Variants in OSBPL8 observed in about 807,000 individuals in gnomAD.
OSBPL8 encodes oxysterol binding protein like 8.
In OSBPL8, 59 loss-of-function variants were observed where a neutral mutation model predicts 125.5. The ratio of observed to expected loss-of-function variants is 0.47; its 90% CI spans 0.38 to 0.58. OSBPL8 has a LOEUF of 0.58. OSBPL8 is among the 20% of genes least tolerant of loss of function. The probability of loss-of-function intolerance (pLI) is 0.00; values close to 1 mark genes in which losing one functional copy is unlikely to be tolerated. For synonymous variants in OSBPL8, 330 were observed against 338.9 expected (o/e 0.97, Z 0.29); for missense variants, 758 against 1,047.8 (o/e 0.72, Z 3.82).
intron 1 of OSBPL8, among the ~76,000 whole-genome samples, chr12:76,498,747 T>TTTTTTTA (rs1879552820): frequency 1.3e-5 from 2 of 149,074 alleles, no homozygotes; most frequent in African/African-American, 5.0e-5. Flanking sequence ...TTTTTTTTTT[T>TTTTTTTA]GAGACAGGGT....
intron 2 of OSBPL8, among the ~76,000 whole-genome samples, chr12:76,469,651 A>G (rs996839020): frequency 6.6e-6 from 1 of 152,166 alleles, no homozygotes; most frequent in Non-Finnish European, 1.5e-5. Context: ...CAATACTTCC[A>G]TAATATTCCC....
chr12:76,557,316 T>C (rs548765919), intron 1 of OSBPL8, among the ~76,000 whole-genome samples: 2 of 152,286 alleles, frequency 1.3e-5, no homozygotes, highest in East Asian at 1.9e-4. Flanking sequence ...CTGCAATTCA[T>C]ACTTTTAAAC....
chr12:76,503,642 C>T (rs974648818), intron 1 of OSBPL8, among the ~76,000 whole-genome samples: 8 of 152,102 alleles, frequency 5.3e-5, no homozygotes, highest in African/African-American at 1.7e-4. Context: ...GGGTTCACGC[C>T]ATCCTCCTGC....
chr12:76,507,996 C>T (rs898322172), intron 1 of OSBPL8, among the ~76,000 whole-genome samples: 15 of 148,626 alleles, frequency 1.0e-4, no homozygotes, highest in Non-Finnish European at 1.8e-4. Flanking sequence ...CATGGTGAAA[C>T]CCTGTCTCTA....
At chr12:76,356,162 T>TGGGGGGGGGGGGGGGTGTAGGGGGGGGG in intron 23 of OSBPL8, 141 bp from the exon 24 acceptor site, 1 of 131,834 alleles carries the variant, frequency 7.6e-6, no homozygotes, top group Non-Finnish European at 1.6e-5. Flanking sequence ...TATGTAGGGG[T>TGGGGGGGGGGGGGGGTGTAGGGGGGGGG]GGGGGGGGGC....
chr12:76,463,082 C>T (rs1162650335), intron 2 of OSBPL8, among the ~76,000 whole-genome samples: 1 of 152,136 alleles, frequency 6.6e-6, no homozygotes, highest in East Asian at 1.9e-4. Flanking sequence ...TTAACAGAAT[C>T]ACTCTGATTG....
At chr12:76,439,006 C>T (rs1163555271) in intron 4 of OSBPL8, among the ~76,000 whole-genome samples, 1 of 152,152 alleles carries the variant, frequency 6.6e-6, no homozygotes, top group Non-Finnish European at 1.5e-5. Flanking sequence ...TAAGATTTCA[C>T]CAACTACAGG....
intron 4 of OSBPL8, among the ~76,000 whole-genome samples, chr12:76,415,340 C>A (rs962186443): frequency 7.3e-5 from 11 of 151,678 alleles, no homozygotes; most frequent in African/African-American, 2.7e-4. Flanking sequence ...CTCTGCCTCC[C>A]GGGTTCAAGC....
intron 5 of OSBPL8, among the ~76,000 whole-genome samples, chr12:76,409,180 AGC>A (rs1474192870): frequency 2.6e-5 from 4 of 152,142 alleles, no homozygotes; most frequent in African/African-American, 9.7e-5. Context: ...AAACTTGAAA[AGC>A]AGAAAGGTCA....
At chr12:76,551,100 A>AACACAC (rs139067397) in intron 1 of OSBPL8, among the ~76,000 whole-genome samples, 4 of 151,402 alleles carry the variant, frequency 2.6e-5, no homozygotes, top group Non-Finnish European at 4.4e-5. Flanking sequence ...AAGAGAGGAA[A>AACACAC]ACACACACAC....
intron 4 of OSBPL8, among the ~76,000 whole-genome samples, chr12:76,428,759 T>C (rs1163815248): frequency 2.0e-5 from 3 of 152,216 alleles, no homozygotes; most frequent in Non-Finnish European, 2.9e-5. Context: ...CAGCAGTAAG[T>C]TTCCTTATAG....
intron 2 of OSBPL8, among the ~76,000 whole-genome samples, chr12:76,475,857 T>C (rs1876740403): frequency 6.6e-6 from 1 of 152,228 alleles, no homozygotes; most frequent in Non-Finnish European, 1.5e-5. Flanking sequence ...CAAAACATGA[T>C]TTAATTCCAA....
chr12:76,367,463 G>C (rs1047049434), intron 21 of OSBPL8, among the ~76,000 whole-genome samples: 1 of 151,962 alleles, frequency 6.6e-6, no homozygotes, highest in African/African-American at 2.4e-5. Flanking sequence ...TGGATCTAAA[G>C]TGAATCTCTT....
chr12:76,506,924 C>T (rs1490539540), intron 1 of OSBPL8, among the ~76,000 whole-genome samples: 3 of 148,742 alleles, frequency 2.0e-5, no homozygotes, highest in Non-Finnish European at 4.4e-5. Context: ...GAACAGGCTT[C>T]GAGAGAAGAA....
At chr12:76,413,236 A>G (rs1465325850) in intron 4 of OSBPL8, among the ~76,000 whole-genome samples, 1 of 152,222 alleles carries the variant, frequency 6.6e-6, no homozygotes, top group African/African-American at 2.4e-5. Context: ...CTAACATTTC[A>G]TAAGATTCCT....
At chr12:76,492,646 G>A (rs1565942162) in intron 1 of OSBPL8, among the ~76,000 whole-genome samples, 1 of 152,188 alleles carries the variant, frequency 6.6e-6, no homozygotes. Context: ...CTGTGCACAC[G>A]AAGAATCTAG....
chr12:76,504,483 T>C (rs768737485), intron 1 of OSBPL8, among the ~76,000 whole-genome samples: 1 of 152,154 alleles, frequency 6.6e-6, no homozygotes, highest in African/African-American at 2.4e-5. Flanking sequence ...TCCACAGTAT[T>C]TGGAAGGTGG....
chr12:76,426,010 G>C (rs1473034969), intron 4 of OSBPL8, among the ~76,000 whole-genome samples: 1 of 152,186 alleles, frequency 6.6e-6, no homozygotes, highest in African/African-American at 2.4e-5. Context: ...GTTTGGGCTT[G>C]CTACTGTTAA....
At chr12:76,516,321 C>T (rs957099469) in intron 1 of OSBPL8, among the ~76,000 whole-genome samples, 1 of 152,180 alleles carries the variant, frequency 6.6e-6, no homozygotes, top group Non-Finnish European at 1.5e-5. Flanking sequence ...CACACATAAA[C>T]CTTAATAAAC....
Sources: allele counts gnomAD v4.1 joint callset (sites outside exome capture counted in the v4.1 genomes callset), GRCh38; gene constraint gnomAD v4.1.1; transcripts MANE v1.5; gene names NCBI Gene and HGNC (gene_info 2026-07-23, HGNC 2026-07-21).